KNTC1: variants seen among roughly 807,000 people sequenced by gnomAD.
KNTC1 encodes the protein kinetochore-associated protein 1.
Under a neutral mutation model 314.4 loss-of-function variants are expected in KNTC1, and 253 were observed. That is an observed-to-expected ratio of 0.80 (90% confidence interval 0.73 to 0.89). The LOEUF is 0.89. Among genes scored for constraint, KNTC1 ranks in the 40% least tolerant of loss-of-function variants. KNTC1 has a pLI of 0.00. For synonymous variants in KNTC1, 901 were observed against 901.4 expected, an observed-to-expected ratio of 1.00 and a Z score of 0.01; for missense variants, 2,475 against 2,572.9, an observed-to-expected ratio of 0.96 and a Z score of 0.82.
intron 2 of KNTC1, among the ~76,000 whole-genome samples, chr12:122,532,832 A>G (rs542892042): frequency 6.6e-6 from 1 of 152,338 alleles, no homozygotes; most frequent in Non-Finnish European, 1.5e-5. Flanking sequence ...CTAAATGCCA[A>G]ATGAACAGTA....
intron 40 of KNTC1, 60 bp from the exon 41 acceptor site, chr12:122,590,547 C>A (rs1045610354): frequency 7.5e-6 from 11 of 1,463,590 alleles, no homozygotes; most frequent in South Asian, 4.4e-5. Flanking sequence ...CCTTTGTGAA[C>A]AAAGTTAATT....
rs749897657 is a variant in KNTC1 at position 122,557,501 on chromosome 12, A to C, written c.1390A>C (p.Lys464Gln). ...AGACGACGCTAAGGAAAATCTACAT[A>C]AGATCCAGGTATGTTTTTCTTGTCA... ...LVDDAKENLH[K>Q]IQDDEFVVNY... The change falls in exon 17 of 64, where the codon AAG (lysine) becomes CAG (glutamine). Residue 464 changes from lysine (K) to glutamine (Q), a missense_variant. Physicochemically the swap from Lys to Gln is moderately conservative, Grantham distance 53. Transcript: ENST00000333479. 1 of 1,613,580 alleles carries C rather than the reference A, an allele frequency of 6.2e-7. No homozygotes were observed.
intron 31 of KNTC1, among the ~76,000 whole-genome samples, chr12:122,578,752 T>TA (rs1432270126): frequency 6.6e-6 from 1 of 152,126 alleles, no homozygotes; most frequent in Non-Finnish European, 1.5e-5. Flanking sequence ...TAAGGATAGA[T>TA]ACCTCCCAAC....
In KNTC1 at chr12:122,575,663, C is replaced by T. The variant is rs909368809; in HGVS notation, c.2486+17C>T. ...CCATCCCAAGTAAGATGACTGTCTA[C>T]GAAACAATGTTGTTATGCTCTGGAG... On this transcript the variant is annotated intron_variant, in intron 28 of 63. Coordinates refer to ENST00000333479, the MANE Select transcript of KNTC1 (RefSeq NM_014708.6). The T allele has an allele frequency of 1.4e-5, 22 of 1,547,032 alleles. No homozygotes were observed. The highest frequency in any genetic ancestry group is 4.1e-5 in the African/African-American group (3 of 73,704).
intron 29 of KNTC1, among the ~76,000 whole-genome samples, chr12:122,576,524 CA>C (rs1965031422): frequency 6.6e-6 from 1 of 151,946 alleles, no homozygotes; most frequent in Admixed American, 6.6e-5. Flanking sequence ...GCTAAAAATG[CA>C]AAAAAATTAG....
intron 53 of KNTC1, chr12:122,611,559 G>A (rs1873124401): frequency 6.6e-6 from 1 of 152,266 alleles, no homozygotes; most frequent in African/African-American, 2.4e-5. Context: ...GGCTAGTGCA[G>A]CTCACAGCTC....
chr12:122,574,417 G>T, intron 27 of KNTC1, 37 bp downstream of exon 27: 1 of 1,233,572 alleles, frequency 8.1e-7, no homozygotes, highest in South Asian at 1.3e-5. Context: ...TCCCTTTTGA[G>T]CATTAAATCT....
In KNTC1 at chr12:122,546,239, A is replaced by G. The variant is rs780536530; in HGVS notation, c.733A>G (p.Lys245Glu). The G allele has an allele frequency of 1.9e-6, 3 of 1,600,618 alleles. No homozygotes were observed. In the East Asian group the frequency reaches 6.7e-5, roughly 36 times the overall value. The change falls in exon 9 of 64, where the codon AAG (lysine) becomes GAG (glutamate). Residue 245 changes from lysine (K) to glutamate (E), a missense_variant. Lys to Glu is a moderately conservative substitution (Grantham distance 56). Transcript: ENST00000333479. The part of the protein sequence containing the change: ...PDSSKKGMTV[K>E]NLIDAEIIKG... Reference sequence around the variant, plus strand: ...TTCTTCCAAGAAAGGAATGACAGTTAAGAACCTTATTGATGCAGAGATTAT... The same window carrying G: ...TTCTTCCAAGAAAGGAATGACAGTTGAGAACCTTATTGATGCAGAGATTAT...
chr12:122,604,298 C>T (rs1217001999), intron 48 of KNTC1, among the ~76,000 whole-genome samples: 1 of 151,260 alleles, frequency 6.6e-6, no homozygotes, highest in Admixed American at 6.6e-5. Flanking sequence ...AGGCATGTGC[C>T]ACCATGCCCA....
intron 12 of KNTC1, among the ~76,000 whole-genome samples, chr12:122,548,394 G>A (rs936027887): frequency 6.6e-6 from 1 of 151,952 alleles, no homozygotes; most frequent in African/African-American, 2.4e-5. Flanking sequence ...ACTTTTAGTA[G>A]AGATGGGGTT....
At chr12:122,578,845 A>G (rs964467884) in intron 31 of KNTC1, among the ~76,000 whole-genome samples, 2 of 152,194 alleles carry the variant, frequency 1.3e-5, no homozygotes, top group African/African-American at 2.4e-5. Flanking sequence ...TTTGCTATGC[A>G]ATAGGCATTA....
At chr12:122,605,460 G>A (rs770958445) in intron 51 of KNTC1, 45 bp downstream of exon 51, 40 of 912,130 alleles carry the variant, frequency 4.4e-5, no homozygotes, top group Non-Finnish European at 6.4e-5. Flanking sequence ...AGTATGCACT[G>A]ATGGCTTCTT....
At chr12:122,614,375 C>T (rs1270969562) in intron 55 of KNTC1, among the ~76,000 whole-genome samples, 4 of 152,120 alleles carry the variant, frequency 2.6e-5, no homozygotes, top group Admixed American at 2.6e-4. Flanking sequence ...ATTTCTCTTC[C>T]TCTTAGTTGC....
At chr12:122,527,988 A>G (rs930028090) in intron 1 of KNTC1, among the ~76,000 whole-genome samples, 3 of 152,240 alleles carry the variant, frequency 2.0e-5, no homozygotes, top group African/African-American at 7.2e-5. Flanking sequence ...TGGAGGTAGC[A>G]TAACAAGATA....
intron 3 of KNTC1, among the ~76,000 whole-genome samples, chr12:122,535,150 C>G (rs1961684345): frequency 6.6e-6 from 1 of 152,164 alleles, no homozygotes; most frequent in Non-Finnish European, 1.5e-5. Context: ...ATTAATAGCT[C>G]TCTAAAAATC....
rs7308251 is a variant in KNTC1, at chr12:122,603,332, A to T, written c.5101+89A>T. The T allele has an allele frequency of 7.1e-3, 6,591 of 933,734 alleles. 140 individuals carry two copies. The highest frequency in any genetic ancestry group is 0.06 in the African/African-American group (3,601 of 59,842). 57.8% of individuals were successfully genotyped at this position (933,734 alleles called of 1,614,324 possible). On this transcript the variant is annotated intron_variant, in intron 48 of 63. Transcript: ENST00000333479. The stretch of plus-strand genomic sequence containing the variant: ...AAGGAGAAGCAGGATGGTAGTTTTC[A>T]AATGTATTTGCTTGCTCTCTTAACT...
At chr12:122,619,497 C>G (rs1387324561) in intron 59 of KNTC1, among the ~76,000 whole-genome samples, 1 of 152,062 alleles carries the variant, frequency 6.6e-6, no homozygotes, top group Admixed American at 6.5e-5. Context: ...ACTGTAAGCC[C>G]TGCTTCCCGG....
chr12:122,626,120 T>G, intron 63 of KNTC1, 85 bp from the exon 64 acceptor site: 1 of 932,016 alleles, frequency 1.1e-6, no homozygotes, highest in East Asian at 2.6e-5. Flanking sequence ...ATCACTTCAC[T>G]TAAGTTCTGT....
intron 12 of KNTC1, 139 bp from the exon 13 acceptor site, chr12:122,549,627 A>C (rs1963049115): frequency 1.7e-6 from 1 of 577,518 alleles, no homozygotes. Flanking sequence ...CAGCCTCCCA[A>C]AGTGCTGGGA....
Sources: gnomAD v4.1 joint callset for allele counts (sites outside exome capture counted in the v4.1 genomes callset) on GRCh38, gnomAD v4.1.1 for gene constraint, MANE v1.5 for transcripts, NCBI Gene and HGNC (gene_info 2026-07-23, HGNC 2026-07-21) for gene names.